The following ASS1 variants were observed in gnomAD, a reference collection of about 807,000 sequenced individuals.
The protein encoded by ASS1 is argininosuccinate synthase 1.
A neutral mutation model predicts 60.5 loss-of-function variants in ASS1; 58 were observed. The observed-to-expected ratio is 0.96, with a 90% CI of 0.78 to 1.19. ASS1 has a LOEUF of 1.19. ASS1 is among the 50% of genes most tolerant of loss of function. The probability of loss-of-function intolerance (pLI) is 0.00; values close to 1 mark genes in which losing one functional copy is unlikely to be tolerated. For missense variants in ASS1, 454 were observed against 547.3 expected (o/e 0.83, Z 1.70); for synonymous variants, 200 against 206.9 (o/e 0.97, Z 0.29).
chr9:130,469,282 T>C (rs998217033), intron 6 of ASS1, among the ~76,000 whole-genome samples: 70 of 152,338 alleles, frequency 4.6e-4, no homozygotes, highest in African/African-American at 1.6e-3. Context: ...CTTCAAATTC[T>C]AGAGTAGATC....
chr9:130,452,432 A>C (rs1588471345), intron 2 of ASS1, 99 bp downstream of exon 2: 1 of 1,033,654 alleles, frequency 9.7e-7, no homozygotes, highest in Non-Finnish European at 1.5e-6. Flanking sequence ...CTGTCTGCTC[A>C]CCGTCACTCA....
At position 130,472,642 on chromosome 9, in the gene ASS1, C is replaced by T. The variant is rs530058766; in HGVS notation, c.597+1127C>T. ...ACCTGTCACTCAGGAGAGCTGCCAC[C>T]CTTGCCCCCTGGGGGCTGATGGCCC... On this transcript the variant is annotated intron_variant, in intron 8 of 14. Transcript: ENST00000352480. Among the ~76,000 whole-genome samples the T allele has an allele frequency of 3.3e-5, 5 of 152,316 alleles. No homozygotes were observed. In the South Asian group the frequency reaches 1.0e-3, roughly 32 times the overall value.
rs144691395 is a variant in ASS1, at chr9:130,488,624, G to T, written c.839-709G>T. ...GACTGGGCCTGAGGTCACAAGAGGG[G>T]ACTTGAGCAATCCCTTCTCCCCTGA... On this transcript the variant is annotated intron_variant, in intron 11 of 14. Coordinates refer to ENST00000352480, the MANE Select transcript of ASS1 (RefSeq NM_054012.4). This position sits in a 1 kb window ranked among gnomAD's most constrained non-coding sequence, Gnocchi z 5.2. Among the ~76,000 whole-genome samples, 76 of 152,352 alleles carry T rather than the reference G, an allele frequency of 5.0e-4. No individual in the cohort carries two copies. Among genetic ancestry groups the T allele is most frequent in the African/African-American group, 1.8e-3 (74 of 41,578 alleles).
chr9:130,482,503 G>A (rs889071501), intron 11 of ASS1, among the ~76,000 whole-genome samples: 1 of 151,898 alleles, frequency 6.6e-6, no homozygotes, highest in African/African-American at 2.4e-5. Flanking sequence ...ATTGGCATAC[G>A]TGATGAAAGT....
At position 130,476,922 on chromosome 9, in the gene ASS1, C is replaced by A; in HGVS notation, c.649C>A (p.Pro217Thr). Reference sequence around the variant, plus strand: ...GAAGACCCAGGACCCAGCCAAAGCCCCCAACACCCCTGACATTCTCGAGAT... The same window carrying A: ...GAAGACCCAGGACCCAGCCAAAGCCACCAACACCCCTGACATTCTCGAGAT... Reference protein sequence around the residue: ...YTKTQDPAKAPNTPDILEIEF... With the variant: ...YTKTQDPAKATNTPDILEIEF... The change falls in exon 9 of 15, where the codon CCC becomes ACC. Residue 217 changes from proline to threonine, a missense_variant. Coordinates refer to ENST00000352480, the MANE Select transcript of ASS1 (RefSeq NM_054012.4). This position sits in a 1 kb window ranked among gnomAD's most constrained non-coding sequence, Gnocchi z 4.9. 6.2e-7 allele frequency: 1 copy of A among 1,614,136 alleles called. No individual in the cohort carries two copies. The highest frequency in any genetic ancestry group is 1.3e-5 in the African/African-American group (1 of 75,046).
At chr9:130,493,553 C>CT (rs1358888180) in intron 12 of ASS1, among the ~76,000 whole-genome samples, 3 of 152,234 alleles carry the variant, frequency 2.0e-5, no homozygotes, top group African/African-American at 7.2e-5. Context: ...AGCCTGTCCC[C>CT]TTTCCCACGG....
chr9:130,454,378 C>G lies in ASS1; in HGVS notation c.174+5C>G. The G allele has an allele frequency of 6.2e-7, 1 of 1,613,346 alleles. No homozygotes were observed. The highest frequency in any genetic ancestry group is 1.1e-5 in the South Asian group (1 of 90,908). On this transcript the variant is annotated splice_donor_5th_base_variant and intron_variant, in intron 3 of 14. Coordinates refer to ENST00000352480, the MANE Select transcript of ASS1 (RefSeq NM_054012.4). ...CTGAAGCTTGGGGCCAAAAAGGTAC[C>G]AGGCGGGAGGCAGGGATTTGGGCTG...
intron 2 of ASS1, among the ~76,000 whole-genome samples, chr9:130,453,423 C>T (rs1845369766): frequency 6.6e-6 from 1 of 152,250 alleles, no homozygotes; most frequent in African/African-American, 2.4e-5. Context: ...GCGCCCAATG[C>T]CCTTGTCATT....
Position 130,501,209 on chromosome 9 carries a change from G to T in ASS1, c.*188G>T. On this transcript the variant is annotated 3_prime_UTR_variant, in exon 15 of 15. Coordinates refer to ENST00000352480, the MANE Select transcript of ASS1 (RefSeq NM_054012.4). ...AAACGTTGTCATCGAAGGGAAGGGT[G>T]GGGGGCAGCTGCGGTGGGGAGCTAT... 1 of 648,858 alleles carries T rather than the reference G, an allele frequency of 1.5e-6. No individual in the cohort carries two copies. Among genetic ancestry groups the T allele is most frequent in the South Asian group, 1.7e-5 (1 of 58,164 alleles). The allele number at this position is 648,858 out of a possible 1,614,324, so 40.2% of individuals were successfully genotyped here.
rs1846389417 is a variant in ASS1 at position 130,489,335 on chromosome 9, A to G, written c.841A>G (p.Ile281Val). ...NRFIGMKSRG[I>V]YETPAGTILY... ...CCCCTGCCTGGAAAAATGGCTAGGT[A>G]TCTACGAGACCCCAGCAGGCACCAT... Residue 281 changes from isoleucine to valine, a missense_variant and splice_region_variant, in exon 12 of 15, where the codon ATC (isoleucine) becomes GTC (valine). By Grantham distance (29) the Ile-to-Val change is conservative. Transcript: ENST00000352480. This position sits in a 1 kb window ranked among gnomAD's most constrained non-coding sequence, Gnocchi z 4.1. 1 of 1,613,000 alleles carries G rather than the reference A, an allele frequency of 6.2e-7. No individual in the cohort carries two copies. Among genetic ancestry groups the G allele is most frequent in the Non-Finnish European group, 8.5e-7 (1 of 1,179,856 alleles).
intron 3 of ASS1, among the ~76,000 whole-genome samples, chr9:130,458,158 CAA>C (rs5900899): frequency 1.6e-3 from 173 of 105,244 alleles, no homozygotes; most frequent in East Asian, 5.6e-3. Flanking sequence ...GACTTCGACT[CAA>C]AAAAAAAAAA....
chr9:130,471,562 T>G, intron 8 of ASS1, 47 bp downstream of exon 8: 6 of 1,570,030 alleles, frequency 3.8e-6, no homozygotes, highest in Non-Finnish European at 5.3e-6. Context: ...CCTTTGGTGG[T>G]AGCAGCTCCA....
rs1252707123 is a variant in ASS1 at position 130,488,633 on chromosome 9, A to G, written c.839-700A>G. ...TGAGGTCACAAGAGGGGACTTGAGC[A>G]ATCCCTTCTCCCCTGACCTTCCAGG... is the stretch of plus-strand genomic sequence containing the variant. On this transcript the variant is annotated intron_variant, in intron 11 of 14. Transcript: ENST00000352480. The surrounding 1 kb of genome is among the most constrained non-coding windows in gnomAD (Gnocchi z 5.2). 2.6e-5 allele frequency among the ~76,000 whole-genome samples: 4 copies of G among 152,200 alleles called. No homozygotes were observed. The highest frequency in any genetic ancestry group is 9.7e-5 in the African/African-American group (4 of 41,444).
At chr9:130,483,261 C>T (rs977747833) in intron 11 of ASS1, among the ~76,000 whole-genome samples, 2 of 148,004 alleles carry the variant, frequency 1.4e-5, no homozygotes, top group Non-Finnish European at 3.0e-5. Flanking sequence ...TGCTATTGTC[C>T]GTATCTCGGT....
chr9:130,448,227 T>C (rs1248866133), intron 1 of ASS1, among the ~76,000 whole-genome samples: 1 of 152,028 alleles, frequency 6.6e-6, no homozygotes, highest in Non-Finnish European at 1.5e-5. Context: ...GCAACGCTGC[T>C]GTCTGATTGC....
chr9:130,481,259 T>C lies in ASS1; in HGVS notation c.838+810T>C, dbSNP rs141464461. Among the ~76,000 whole-genome samples, 128 of 152,288 alleles carry C rather than the reference T, an allele frequency of 8.4e-4. 1 individual carries two copies. Among genetic ancestry groups the C allele is most frequent in the Admixed American group, 2.5e-3 (38 of 15,302 alleles). ...TCCCTGAGGGTCTGCCAGTGTGTGATAAAGCCATGCTGTGTTCTTTCTTGG... is the reference window on the plus strand; with the variant it reads ...TCCCTGAGGGTCTGCCAGTGTGTGACAAAGCCATGCTGTGTTCTTTCTTGG... On this transcript the variant is annotated intron_variant, in intron 11 of 14. Transcript: ENST00000352480.
intron 11 of ASS1, among the ~76,000 whole-genome samples, chr9:130,487,690 G>C (rs552998579): frequency 1.3e-5 from 2 of 152,010 alleles, no homozygotes; most frequent in African/African-American, 4.8e-5. Context: ...TTGTTTTTGT[G>C]CCTGGCCTTT....
At position 130,453,819 on chromosome 9, in the gene ASS1, G is replaced by T. The variant is rs1414102759; in HGVS notation, c.106-486G>T. Among the ~76,000 whole-genome samples the T allele has an allele frequency of 2.0e-5, 3 of 152,228 alleles. No homozygotes were observed. In the East Asian group the frequency reaches 5.8e-4, roughly 29 times the overall value. ...GGCACTGGCCACAGGGACGGAGCTG[G>T]AAGTTCCTGAGCACGGGCTTCTCTG... On this transcript the variant is annotated intron_variant, in intron 2 of 14. Coordinates refer to ENST00000352480, the MANE Select transcript of ASS1 (RefSeq NM_054012.4).
chr9:130,480,356 C>T lies in ASS1; in HGVS notation c.774-29C>T, dbSNP rs528244921. 5.7e-5 allele frequency: 92 copies of T among 1,613,900 alleles called. 1 individual carries two copies. Among genetic ancestry groups the T allele is most frequent in the Admixed American group, 2.5e-4 (15 of 60,010 alleles). ...TGACTCTGAGCCTTGCGGTAGCGCC[C>T]GAACCTAATGGACCAGTTCTTCCCA... On this transcript the variant is annotated intron_variant, in intron 10 of 14. Coordinates refer to ENST00000352480, the MANE Select transcript of ASS1 (RefSeq NM_054012.4).
Sources: gnomAD v4.1 joint callset for allele counts (sites outside exome capture counted in the v4.1 genomes callset) on GRCh38, gnomAD v4.1.1 for gene constraint, Gnocchi (gnomAD v3.1) non-coding constraint, MANE v1.5 for transcripts, NCBI Gene and HGNC (gene_info 2026-07-23, HGNC 2026-07-21) for gene names.